MUC5B: variants seen among roughly 807,000 people sequenced by gnomAD.
MUC5B encodes the protein mucin-5B.
A neutral mutation model predicts 376.9 loss-of-function variants in MUC5B; 116 were observed. The ratio of observed to expected loss-of-function variants is 0.31; its 90% confidence interval spans 0.26 to 0.36. MUC5B has a LOEUF of 0.36. Ranked by LOEUF, MUC5B falls within the 10% of genes least tolerant of loss-of-function variation. The probability of loss-of-function intolerance (pLI) is 1.00; values close to 1 mark genes in which losing one functional copy is unlikely to be tolerated. For synonymous variants in MUC5B, 3,517 were observed against 3,390.9 expected, an observed-to-expected ratio of 1.04 and a Z score of -1.29; for missense variants, 7,165 against 7,769.9, an observed-to-expected ratio of 0.92 and a Z score of 2.93.
In MUC5B at chr11:1,242,293, G is replaced by A. The variant is rs1541314; in HGVS notation, c.5413G>A (p.Gly1805Ser). 121,362 of 1,613,860 alleles carry A rather than the reference G, an allele frequency of 0.075. 5,101 individuals are homozygous for A. The highest frequency in any genetic ancestry group is 0.12 in the Admixed American group (7,142 of 60,016). ...DVDFPTSGVA[G>S]GDMETFENIR... ...GGACTTCCCAACCTCAGGGGTTGCA[G>A]GCGGGGACATGGAAACTTTTGAAAA... The change falls in exon 31 of 49, where the codon GGC (glycine) becomes AGC (serine). Residue 1805 changes from glycine to serine, a missense_variant. Around this residue, in one of 31 missense-constraint regions of MUC5B, gnomAD observed 897 missense variants for 779.6 expected, o/e 1.15. Coordinates refer to ENST00000529681, the MANE Select transcript of MUC5B (RefSeq NM_002458.3).
chr11:1,235,155 G>A lies in MUC5B; in HGVS notation c.2701G>A (p.Gly901Ser). 1.2e-6 allele frequency: 2 copies of A among 1,613,044 alleles called. No individual in the cohort carries two copies. Among genetic ancestry groups the A allele is most frequent in the Non-Finnish European group, 1.7e-6 (2 of 1,179,716 alleles). ...GGGCACCTGCGTGGCCTACGGGGATGGCCACTTCATCACCTTTGATGGCGA... is the reference window on the plus strand; with the variant it reads ...GGGCACCTGCGTGGCCTACGGGGATAGCCACTTCATCACCTTTGATGGCGA... ...CLGTCVAYGD[G>S]HFITFDGDRY... Residue 901 changes from glycine to serine, a missense_variant, in exon 22 of 49, where the codon GGC becomes AGC. Physicochemically the swap from Gly to Ser is moderately conservative, Grantham distance 56. This residue lies in a region of MUC5B where 530 missense variants were observed against 604.0 expected (regional missense o/e 0.88). Coordinates refer to ENST00000529681, the MANE Select transcript of MUC5B (RefSeq NM_002458.3).
At chr11:1,256,407 G>T (rs961767083) in intron 38 of MUC5B, among the ~76,000 whole-genome samples, 182 bp downstream of exon 38, 1 of 151,924 alleles carries the variant, frequency 6.6e-6, no homozygotes, top group Non-Finnish European at 1.5e-5. Flanking sequence ...GAGTCAGGCA[G>T]GGGGCGCATC....
In MUC5B at chr11:1,246,469, A is replaced by T; in HGVS notation, c.9589A>T (p.Thr3197Ser). The part of the protein sequence containing the change: ...RATAGTLKVL[T>S]STATTPTVIS... ...AACTGCTGGCACCCTCAAAGTGCTG[A>T]CCAGCACGGCCACCACACCCACAGT... The change falls in exon 31 of 49, where the codon ACC (threonine) becomes TCC (serine). Residue 3197 changes from threonine (T) to serine (S), a missense_variant. Physicochemically the swap from Thr to Ser is moderately conservative, Grantham distance 58. Coordinates refer to ENST00000529681, the MANE Select transcript of MUC5B (RefSeq NM_002458.3). 1 of 1,613,300 alleles carries T rather than the reference A, an allele frequency of 6.2e-7. No homozygotes were observed. Among genetic ancestry groups the T allele is most frequent in the Non-Finnish European group, 8.5e-7 (1 of 1,179,712 alleles).
At position 1,247,333 on chromosome 11, in the gene MUC5B, A is replaced by G; in HGVS notation, c.10453A>G (p.Thr3485Ala). 1.2e-6 allele frequency: 2 copies of G among 1,610,956 alleles called. No individual in the cohort carries two copies. The highest frequency in any genetic ancestry group is 1.1e-5 in the South Asian group (1 of 90,924). ...TSGILGTTHITEPSTVTSHTP... is the reference protein window; with the variant it reads ...TSGILGTTHIAEPSTVTSHTP... ...GGGCATCTTGGGCACCACCCACATC[A>G]CAGAGCCTTCCACGGTGACTTCCCA... is the stretch of plus-strand genomic sequence containing the variant. Residue 3485 changes from threonine to alanine, a missense_variant, in exon 31 of 49, where the codon ACA (threonine) becomes GCA (alanine). Transcript: ENST00000529681.
intron 1 of MUC5B, among the ~76,000 whole-genome samples, chr11:1,225,097 G>C (rs965569376): frequency 6.6e-6 from 1 of 152,212 alleles, no homozygotes; most frequent in Non-Finnish European, 1.5e-5. Context: ...CAGTATCAAC[G>C]GCCACACAGC....
In MUC5B at chr11:1,257,426, G is replaced by A; in HGVS notation, c.16270-104G>A. On this transcript the variant is annotated intron_variant, in intron 40 of 48. Transcript: ENST00000529681. The surrounding 1 kb of genome is among the most constrained non-coding windows in gnomAD (Gnocchi z 8.9). ...TGTGCGCTTCCTGCCCCATCACTCT[G>A]GGCCACTCGGGTACCAGCCCGAGGG... 1 of 1,385,368 alleles carries A rather than the reference G, an allele frequency of 7.2e-7. No homozygotes were observed. Among genetic ancestry groups the A allele is most frequent in the Non-Finnish European group, 1.0e-6 (1 of 998,376 alleles). The allele number at this position is 1,385,368 out of a possible 1,614,324, so 85.8% of individuals were successfully genotyped here.
At chr11:1,227,185 C>G in intron 5 of MUC5B, 40 bp downstream of exon 5, 1 of 1,589,992 alleles carries the variant, frequency 6.3e-7, no homozygotes, top group South Asian at 1.1e-5. Context: ...TCAGGCCTGG[C>G]CACAAAACCC....
At position 1,223,277 on chromosome 11, in the gene MUC5B, G is replaced by A. The variant is rs542759679; in HGVS notation, c.70+84G>A. On this transcript the variant is annotated intron_variant, in intron 1 of 48. Coordinates refer to ENST00000529681, the MANE Select transcript of MUC5B (RefSeq NM_002458.3). ...GGTCGCTTGCCTGGGAGCTTCTCCT[G>A]CAGAGTGCACGGGCAGATCCCCCTA... 6.6e-5 allele frequency: 46 copies of A among 701,072 alleles called. No individual in the cohort carries two copies. The South Asian group carries it at 6.7e-4, about 10-fold the overall frequency. 43.4% of individuals were successfully genotyped at this position (701,072 alleles called of 1,614,324 possible).
At position 1,244,266 on chromosome 11, in the gene MUC5B, C is replaced by A; in HGVS notation, c.7386C>A (p.Thr2462=). ...CCCCGTCCTCCACCCCAGGGACCAC[C>A]TGGATCCTCACAGAGCCGAGCACTA... ...TATPSSTPGT[T]WILTEPSTTA... is the part of the protein sequence containing the mutation. The change falls in exon 31 of 49, where the codon ACC becomes ACA. Residue 2462 remains threonine (T), a synonymous_variant. Coordinates refer to ENST00000529681, the MANE Select transcript of MUC5B (RefSeq NM_002458.3). The A allele has an allele frequency of 6.2e-7, 1 of 1,609,102 alleles. No individual in the cohort carries two copies. Among genetic ancestry groups the A allele is most frequent in the South Asian group, 1.1e-5 (1 of 90,788 alleles).
In MUC5B at chr11:1,241,602, G is replaced by A; in HGVS notation, c.4722G>A (p.Leu1574=). The change falls in exon 31 of 49, where the codon CTG becomes CTA. Residue 1574 remains leucine (L), a synonymous_variant. Transcript: ENST00000529681. The part of the protein sequence containing the change: ...QKVHCDVHFG[L]VCRNWEQEGV... ...TGCACTGTGACGTCCACTTCGGCCT[G>A]GTGTGCAGGAACTGGGAGCAGGAGG... is the stretch of plus-strand genomic sequence containing the variant. 2 of 1,612,380 alleles carry A rather than the reference G, an allele frequency of 1.2e-6. No individual in the cohort carries two copies. The highest frequency in any genetic ancestry group is 1.7e-6 in the Non-Finnish European group (2 of 1,179,414).
Position 1,244,185 on chromosome 11 carries a change from C to A in MUC5B, c.7305C>A (p.Ile2435=), listed in dbSNP as rs770677823. 1.2e-5 allele frequency: 19 copies of A among 1,612,594 alleles called. No individual in the cohort carries two copies. The Admixed American group carries it at 1.7e-4, about 14-fold the overall frequency. ...MPSSTPGTTW[I]LTELTTTATT... Reference sequence around the variant, plus strand: ...CCTCCACTCCGGGGACGACCTGGATCCTCACAGAGCTGACCACAACAGCCA... The same window carrying A: ...CCTCCACTCCGGGGACGACCTGGATACTCACAGAGCTGACCACAACAGCCA... The change falls in exon 31 of 49, where the codon ATC becomes ATA. Residue 2435 remains isoleucine, a synonymous_variant. Coordinates refer to ENST00000529681, the MANE Select transcript of MUC5B (RefSeq NM_002458.3).
rs772486609 is a variant in MUC5B, at chr11:1,241,481, G to C, written c.4601G>C (p.Arg1534Thr). The change falls in exon 31 of 49, where the codon AGG becomes ACG. Residue 1534 changes from arginine (R) to threonine (T), a missense_variant. Arg to Thr is a moderately conservative substitution (Grantham distance 71). Around this residue, in one of 31 missense-constraint regions of MUC5B, gnomAD observed 517 missense variants for 545.3 expected, o/e 0.95. Coordinates refer to ENST00000529681, the MANE Select transcript of MUC5B (RefSeq NM_002458.3). ...GGDVESYDKI[R>T]AAGGHLCQQP... ...GACGTTGAGTCCTACGATAAGATCAGGGCCGCTGGAGGGCACTTATGCCAG... is the reference window on the plus strand; with the variant it reads ...GACGTTGAGTCCTACGATAAGATCACGGCCGCTGGAGGGCACTTATGCCAG... 14 of 1,613,522 alleles carry C rather than the reference G, an allele frequency of 8.7e-6. No individual in the cohort carries two copies. Among genetic ancestry groups the C allele is most frequent in the Non-Finnish European group, 4.2e-6 (5 of 1,179,786 alleles).
Position 1,252,169 on chromosome 11 carries a change from C to T in MUC5B, c.14864-174C>T, listed in dbSNP as rs537936657. 2.2e-3 allele frequency among the ~76,000 whole-genome samples: 338 copies of T among 151,076 alleles called. 4 individuals are homozygous for T. Among genetic ancestry groups the T allele is most frequent in the African/African-American group, 7.8e-3 (321 of 41,158 alleles). On this transcript the variant is annotated intron_variant, in intron 31 of 48. Transcript: ENST00000529681. ...CACTCGGTCCCCACTGGTCACAATCCGTCCCCAGTGGCCACACTTGGTCCC... is the reference window on the plus strand; with the variant it reads ...CACTCGGTCCCCACTGGTCACAATCTGTCCCCAGTGGCCACACTTGGTCCC...
At position 1,247,605 on chromosome 11, in the gene MUC5B, T is replaced by C. The variant is rs1862530291; in HGVS notation, c.10725T>C (p.Cys3575=). 6.2e-7 allele frequency: 1 copy of C among 1,610,454 alleles called. No homozygotes were observed. The highest frequency in any genetic ancestry group is 1.3e-5 in the African/African-American group (1 of 74,728). Residue 3575 remains cysteine (C), a synonymous_variant, in exon 31 of 49, where the codon TGT becomes TGC. Transcript: ENST00000529681. ...TVVTTGCEPQ[C]AWSEWLDYSY... is the part of the protein sequence containing the mutation. Reference sequence around the variant, plus strand: ...TGACCACGGGCTGTGAGCCCCAGTGTGCCTGGTCAGAGTGGCTGGACTACA... The same window carrying C: ...TGACCACGGGCTGTGAGCCCCAGTGCGCCTGGTCAGAGTGGCTGGACTACA...
chr11:1,260,531 G>A, intron 47 of MUC5B, 95 bp from the exon 48 acceptor site: 1 of 1,459,966 alleles, frequency 6.8e-7, no homozygotes. Context: ...GAGGGCCATG[G>A]GAGGGGTGGT....
Position 1,230,546 on chromosome 11 carries a change from G to C in MUC5B, c.1416G>C (p.Thr472=). 1 of 1,611,796 alleles carries C rather than the reference G, an allele frequency of 6.2e-7. No individual in the cohort carries two copies. The highest frequency in any genetic ancestry group is 8.5e-7 in the Non-Finnish European group (1 of 1,179,258). ...CTGAGCTGCGGAAGTGCGGCCTGAC[G>C]GACAACGAGAACTGCCTGAAAGCGG... is the stretch of plus-strand genomic sequence containing the variant. The part of the protein sequence containing the change: ...VLAELRKCGL[T]DNENCLKAVT... The change falls in exon 12 of 49, where the codon ACG becomes ACC. Residue 472 remains threonine, a synonymous_variant. Transcript: ENST00000529681.
At chr11:1,259,114 AGTGAGACCCGAGGCACCTGCCCCCAG>A (rs2133854886) in intron 44 of MUC5B, 53 bp downstream of exon 44, 2 of 1,360,882 alleles carry the variant, frequency 1.5e-6, no homozygotes, top group Admixed American at 2.4e-5. Flanking sequence ...CCTGCCCCCA[AGTGAGACCCGAGGCACCTGCCCCCAG>A]GTGAGACCTG....
chr11:1,224,776 C>T (rs1036579577), intron 1 of MUC5B, among the ~76,000 whole-genome samples: 1 of 152,130 alleles, frequency 6.6e-6, no homozygotes, highest in Non-Finnish European at 1.5e-5. Flanking sequence ...GTCAGCAGGA[C>T]CTGGCTGGAA....
chr11:1,233,525 G>C (rs1366024043), intron 18 of MUC5B, among the ~76,000 whole-genome samples: 1 of 152,220 alleles, frequency 6.6e-6, no homozygotes, highest in Non-Finnish European at 1.5e-5. Context: ...TGCCAGGAAA[G>C]GTGGGTGGCC....
Sources: gnomAD v4.1 joint callset for allele counts (sites outside exome capture counted in the v4.1 genomes callset) on GRCh38, gnomAD v4.1.1 for gene constraint, gnomAD v4.1.1 regional missense constraint, Gnocchi (gnomAD v3.1) non-coding constraint, MANE v1.5 for transcripts, NCBI Gene and HGNC (gene_info 2026-07-23, HGNC 2026-07-21) for gene names.